CHODL: variants seen among roughly 807,000 people sequenced by gnomAD.
CHODL encodes the protein chondrolectin.
Under a neutral mutation model 34.5 loss-of-function variants are expected in CHODL, and 29 were observed. The observed-to-expected ratio is 0.84, with a 90% CI of 0.63 to 1.15. The LOEUF (loss-of-function observed/expected upper bound fraction) is 1.15, where lower values mean the gene tolerates loss of function less well. Among genes scored for constraint, CHODL ranks in the 50% most tolerant of loss-of-function variants. The probability of loss-of-function intolerance (pLI) is 0.00; values close to 1 mark genes in which losing one functional copy is unlikely to be tolerated. For synonymous variants in CHODL, 125 were observed against 116.1 expected, an observed-to-expected ratio of 1.08 and a Z score of -0.49; for missense variants, 332 against 332.5, an observed-to-expected ratio of 1.00 and a Z score of 0.01.
chr21:17,970,896 C>G (rs761968189), intron 1 of CHODL, among the ~76,000 whole-genome samples: 13 of 152,048 alleles, frequency 8.5e-5, no homozygotes, highest in Non-Finnish European at 1.9e-4. Flanking sequence ...CCCCCACCCC[C>G]CAACAGGCCC....
At chr21:18,008,823 TC>T (rs1568842175) in intron 1 of CHODL, among the ~76,000 whole-genome samples, 1 of 152,190 alleles carries the variant, frequency 6.6e-6, no homozygotes, top group Admixed American at 6.5e-5. Flanking sequence ...GCATATTGGT[TC>T]CAGATAAATG....
intron 2 of CHODL, among the ~76,000 whole-genome samples, chr21:18,077,508 C>T (rs2064880734): frequency 6.6e-6 from 1 of 151,946 alleles, no homozygotes; most frequent in African/African-American, 2.4e-5. Context: ...TGTTTGTGTC[C>T]CTCTAAAATT....
At chr21:17,985,107 T>G (rs768745916) in intron 1 of CHODL, among the ~76,000 whole-genome samples, 20 of 152,170 alleles carry the variant, frequency 1.3e-4, no homozygotes, top group South Asian at 1.2e-3. Context: ...TGATTGGGAT[T>G]GCATTAAGTT....
intron 2 of CHODL, among the ~76,000 whole-genome samples, chr21:18,200,593 A>C (rs1387212338): frequency 6.6e-6 from 1 of 152,234 alleles, no homozygotes; most frequent in African/African-American, 2.4e-5. Flanking sequence ...GATACATTTC[A>C]CAAAACCTTA....
intron 1 of CHODL, among the ~76,000 whole-genome samples, chr21:17,945,928 GGA>G (rs1264443885): frequency 6.6e-6 from 1 of 152,068 alleles, no homozygotes; most frequent in Non-Finnish European, 1.5e-5. Context: ...CTACAAGCCT[GGA>G]GAGAGTAGAA....
intron 1 of CHODL, among the ~76,000 whole-genome samples, chr21:18,009,895 A>G (rs1053769570): frequency 6.7e-6 from 1 of 150,018 alleles, no homozygotes; most frequent in East Asian, 2.0e-4. Flanking sequence ...CTCAAAAAAA[A>G]AAAAATAACA....
chr21:18,241,509 A>G (rs1284099740), upstream of CHODL, among the ~76,000 whole-genome samples: 1 of 152,140 alleles, frequency 6.6e-6, no homozygotes, highest in African/African-American at 2.4e-5. Flanking sequence ...TGAAGATCCT[A>G]TTTGTCACTG....
intron 2 of CHODL, among the ~76,000 whole-genome samples, chr21:18,221,408 CT>C (rs1178573376): frequency 1.3e-5 from 2 of 152,114 alleles, no homozygotes; most frequent in Non-Finnish European, 2.9e-5. Context: ...GGATTTCTTA[CT>C]GAAAAACTAT....
intron 2 of CHODL, among the ~76,000 whole-genome samples, chr21:18,180,935 A>G (rs2073374428): frequency 6.6e-6 from 1 of 152,218 alleles, no homozygotes; most frequent in African/African-American, 2.4e-5. Flanking sequence ...TGTTAGGAGT[A>G]TTAAATTAAT....
intron 2 of CHODL, among the ~76,000 whole-genome samples, chr21:18,193,965 T>A (rs956694548): frequency 6.6e-6 from 1 of 152,048 alleles, no homozygotes; most frequent in Non-Finnish European, 1.5e-5. Context: ...AATGTCTCCT[T>A]TCCTCACTCT....
intron 1 of CHODL, among the ~76,000 whole-genome samples, chr21:17,965,849 T>C (rs1317587242): frequency 6.6e-6 from 1 of 151,638 alleles, no homozygotes. Flanking sequence ...ATATCTCAAA[T>C]TTAAAATTAC....
At chr21:17,920,043 T>A (rs1054126529) in intron 1 of CHODL, among the ~76,000 whole-genome samples, 6 of 152,208 alleles carry the variant, frequency 3.9e-5, no homozygotes, top group Non-Finnish European at 7.3e-5. Context: ...CATATCATTA[T>A]CAGCATTTTA....
chr21:18,241,968 C>G (rs1442844616), upstream of CHODL, among the ~76,000 whole-genome samples: 1 of 151,460 alleles, frequency 6.6e-6, no homozygotes, highest in African/African-American at 2.4e-5. Flanking sequence ...GCTCCTTAGC[C>G]TAATCAGTTT....
intron 1 of CHODL, among the ~76,000 whole-genome samples, chr21:18,251,957 A>AG (rs1303643970): frequency 6.6e-6 from 1 of 151,838 alleles, no homozygotes; most frequent in African/African-American, 2.4e-5. Flanking sequence ...AATCCAGTGC[A>AG]GAAAAACTTA....
rs991268232 is a variant in CHODL at position 18,139,066 on chromosome 21, C to T, written c.-45+111095C>T. On this transcript the variant is annotated intron_variant, in intron 2 of 6. Transcript: ENST00000400127. ...GCAATCAGGTTGGTGTGTGAATGTG[C>T]GCATGAGTATGTGTAAAAGCCTATG... Among the ~76,000 whole-genome samples the T allele has an allele frequency of 4.5e-4, 68 of 151,940 alleles. 2 individuals are homozygous for T. Among genetic ancestry groups the T allele is most frequent in the Admixed American group, 3.2e-3 (49 of 15,234 alleles).
At position 18,174,157 on chromosome 21, in the gene CHODL, A is replaced by ATATATATATG. The variant is rs1555879240; in HGVS notation, c.-44-82348_-44-82347insTATATGTATA. Among the ~76,000 whole-genome samples the ATATATATATG allele has an allele frequency of 9.6e-3, 850 of 88,104 alleles. 50 individuals carry two copies. Among genetic ancestry groups the ATATATATATG allele is most frequent in the East Asian group, 0.031 (99 of 3,206 alleles). 57.8% of individuals were successfully genotyped at this position (88,104 alleles called of 152,430 possible). Reference sequence around the variant, plus strand: ...TATATATATATATATATATATATATATATAAAATCAAGTCTCTCAGAGTAG... The same window carrying ATATATATATG: ...TATATATATATATATATATATATATATATATATATGTATAAAATCAAGTCTCTCAGAGTAG... On this transcript the variant is annotated intron_variant, in intron 2 of 6. Coordinates refer to the CHODL transcript ENST00000400127.
intron 2 of CHODL, among the ~76,000 whole-genome samples, chr21:18,200,088 T>C (rs1189948982): frequency 6.6e-6 from 1 of 152,214 alleles, no homozygotes; most frequent in African/African-American, 2.4e-5. Context: ...ATGATAGTTC[T>C]ATTTGTTCTG....
intron 2 of CHODL, among the ~76,000 whole-genome samples, chr21:18,068,192 T>C (rs979400749): frequency 2.6e-5 from 4 of 151,980 alleles, no homozygotes; most frequent in East Asian, 1.9e-4. Flanking sequence ...TTTATTCATT[T>C]TTCTTTTTTT....
chr21:18,030,513 C>T (rs2064235389), intron 2 of CHODL, among the ~76,000 whole-genome samples: 1 of 152,162 alleles, frequency 6.6e-6, no homozygotes, highest in Non-Finnish European at 1.5e-5. Flanking sequence ...ACTATAACTG[C>T]TCGTCGTTTT....
Sources: gnomAD v4.1 joint callset for allele counts (sites outside exome capture counted in the v4.1 genomes callset) on GRCh38, gnomAD v4.1.1 for gene constraint, MANE v1.5 for transcripts, NCBI Gene and HGNC (gene_info 2026-07-23, HGNC 2026-07-21) for gene names.